TUBGCP3: variants seen among roughly 807,000 people sequenced by gnomAD.
TUBGCP3 encodes gamma-tubulin complex component 3.
A neutral mutation model predicts 123.1 loss-of-function variants in TUBGCP3; 50 were observed. The ratio of observed to expected loss-of-function variants is 0.41; its 90% confidence interval spans 0.32 to 0.51. The LOEUF is 0.51. Among genes scored for constraint, TUBGCP3 ranks in the 20% least tolerant of loss-of-function variants. TUBGCP3 has a pLI of 0.36. For synonymous variants in TUBGCP3, 405 were observed against 413.9 expected (o/e 0.98, Z 0.26); for missense variants, 882 against 1,127.0 (o/e 0.78, Z 3.11).
chr13:112,584,519 T>A (rs1566597276), intron 1 of TUBGCP3, among the ~76,000 whole-genome samples: 1 of 152,202 alleles, frequency 6.6e-6, no homozygotes, highest in Non-Finnish European at 1.5e-5. Context: ...CTTTACCATT[T>A]TGGAAAATCA....
chr13:112,507,135 T>C (rs927037038), intron 17 of TUBGCP3, among the ~76,000 whole-genome samples: 1 of 152,230 alleles, frequency 6.6e-6, no homozygotes, highest in Non-Finnish European at 1.5e-5. Context: ...GTTTTTGTAT[T>C]TTTATGTTAA....
chr13:112,603,164 G>A, the TUBGCP3 span: 2 of 152,254 alleles, frequency 1.3e-5, no homozygotes, highest in Middle Eastern at 6.8e-3. Context: ...AGAACCAAAT[G>A]GATCACAACC....
At chr13:112,586,746 G>A (rs1004478856) in intron 1 of TUBGCP3, among the ~76,000 whole-genome samples, 18 of 152,084 alleles carry the variant, frequency 1.2e-4, no homozygotes, top group African/African-American at 3.6e-4. Flanking sequence ...CAGATCTGTG[G>A]GAGGAATGAC....
intron 19 of TUBGCP3, among the ~76,000 whole-genome samples, chr13:112,501,209 G>A (rs934528235): frequency 6.6e-6 from 1 of 152,236 alleles, no homozygotes; most frequent in Admixed American, 6.5e-5. Flanking sequence ...TCTTAGAGCT[G>A]TTCTGTCCTT....
At chr13:112,544,263 C>T (rs983455931) in intron 11 of TUBGCP3, among the ~76,000 whole-genome samples, 17 of 151,952 alleles carry the variant, frequency 1.1e-4, no homozygotes, top group Admixed American at 2.0e-4. Flanking sequence ...ACCATCCTGG[C>T]TAACACAGTG....
intron 5 of TUBGCP3, 88 bp downstream of exon 5, chr13:112,558,108 G>A: frequency 7.0e-7 from 1 of 1,419,066 alleles, no homozygotes. Context: ...CACTGATACT[G>A]TGGGTGAACA....
Position 112,490,314 on chromosome 13 carries a change from G to C in TUBGCP3, c.2449-617C>G, listed in dbSNP as rs192547717. 4.2e-3 allele frequency among the ~76,000 whole-genome samples: 647 copies of C among 152,350 alleles called. 6 individuals carry two copies. Among genetic ancestry groups the C allele is most frequent in the African/African-American group, 0.015 (615 of 41,578 alleles). On this transcript the variant is annotated intron_variant, in intron 20 of 21. Transcript: ENST00000261965. ...TCGCTCTCCCATGCTGGAGTACAAT[G>C]GCATGATCTCAGCTCACTGCAACCT... is the stretch of plus-strand genomic sequence containing the variant.
intron 17 of TUBGCP3, among the ~76,000 whole-genome samples, chr13:112,512,471 CGCCT>C (rs915698868): frequency 1.3e-5 from 2 of 148,350 alleles, no homozygotes; most frequent in African/African-American, 2.5e-5. Context: ...CAGTGGCTCA[CGCCT>C]GTAATCCCAG....
chr13:112,485,046 C>A lies in TUBGCP3; in HGVS notation c.*947G>T, dbSNP rs1322179071. ...TTGCTTTTAATTTTCTAAATTTTCACTTATGCAACATAAAGGCAGATTTAT... is the reference window on the plus strand; with the variant it reads ...TTGCTTTTAATTTTCTAAATTTTCAATTATGCAACATAAAGGCAGATTTAT... On this transcript the variant is annotated 3_prime_UTR_variant, in exon 22 of 22. Coordinates refer to ENST00000261965, the MANE Select transcript of TUBGCP3 (RefSeq NM_006322.6). 1.3e-5 allele frequency: 2 copies of A among 152,488 alleles called. No homozygotes were observed. Among genetic ancestry groups the A allele is most frequent in the Non-Finnish European group, 2.9e-5 (2 of 68,046 alleles). 9.4% of individuals were successfully genotyped at this position (152,488 alleles called of 1,614,324 possible). A position where few individuals can be genotyped will look rare whatever the true frequency, so the allele number is the denominator to read the frequency against.
Position 112,567,406 on chromosome 13 carries a change from T to C in TUBGCP3, c.184+1746A>G, listed in dbSNP as rs186886668. On this transcript the variant is annotated intron_variant, in intron 2 of 21. Transcript: ENST00000261965. ...ATATGCTCACCACGAGGCCATGAAA[T>C]GTAACTTTGTAAAGGAAATGGTCTG... Among the ~76,000 whole-genome samples the C allele has an allele frequency of 1.1e-4, 17 of 152,312 alleles. No homozygotes were observed. The East Asian group carries it at 2.9e-3, about 26-fold the overall frequency.
chr13:112,508,547 G>A lies in TUBGCP3; in HGVS notation c.2087-3833C>T, dbSNP rs1881455653. The stretch of plus-strand genomic sequence containing the variant: ...TGTGAGACTGCAGTTCCCACGCACT[G>A]ATGTCCCTTCCACATTCCACTCCAC... On this transcript the variant is annotated intron_variant, in intron 17 of 21. Transcript: ENST00000261965. The surrounding 1 kb of genome is among the most constrained non-coding windows in gnomAD (Gnocchi z 4.2). Among the ~76,000 whole-genome samples, 1 of 152,042 alleles carries A rather than the reference G, an allele frequency of 6.6e-6. No individual in the cohort carries two copies. The highest frequency in any genetic ancestry group is 2.4e-5 in the African/African-American group (1 of 41,394).
chr13:112,562,030 T>C (rs1880547831), intron 3 of TUBGCP3, among the ~76,000 whole-genome samples: 1 of 151,980 alleles, frequency 6.6e-6, no homozygotes, highest in African/African-American at 2.4e-5. Context: ...CAGGAGACAG[T>C]GAGGCAGTCT....
At chr13:112,512,372 G>A (rs1421771934) in intron 17 of TUBGCP3, among the ~76,000 whole-genome samples, 3 of 143,854 alleles carry the variant, frequency 2.1e-5, no homozygotes, top group Non-Finnish European at 3.0e-5. Context: ...AGGTTGCAGT[G>A]AGCTGAGATC....
At chr13:112,576,995 AAAG>A (rs1232647391) in intron 1 of TUBGCP3, among the ~76,000 whole-genome samples, 7 of 146,094 alleles carry the variant, frequency 4.8e-5, no homozygotes, top group Non-Finnish European at 9.3e-5. Flanking sequence ...TAAAAAAAAA[AAAG>A]AAAAAAAAAT....
At chr13:112,547,213 G>A (rs1027036464) in intron 10 of TUBGCP3, 12 of 388,956 alleles carry the variant, frequency 3.1e-5, no homozygotes, top group South Asian at 1.4e-4. Flanking sequence ...AAGGAAAGGC[G>A]ACCAAGGGAG....
At chr13:112,597,037 G>A in the TUBGCP3 span, among the ~76,000 whole-genome samples, 1 of 152,202 alleles carries the variant, frequency 6.6e-6, no homozygotes, top group Non-Finnish European at 1.5e-5. Context: ...TTCCCCCATG[G>A]ATTTCCTCCA....
intron 11 of TUBGCP3, among the ~76,000 whole-genome samples, chr13:112,540,628 T>C (rs1878445755): frequency 1.3e-5 from 2 of 149,172 alleles, no homozygotes; most frequent in African/African-American, 5.0e-5. Context: ...AAAGGACACC[T>C]GGGAATGAGG....
intron 11 of TUBGCP3, among the ~76,000 whole-genome samples, chr13:112,532,148 T>C (rs562374116): frequency 3.0e-4 from 46 of 152,236 alleles, no homozygotes; most frequent in Non-Finnish European, 5.1e-4. Flanking sequence ...TTAGATACAA[T>C]AAAATGGCAA....
chr13:112,507,790 A>C (rs1881403263), intron 17 of TUBGCP3, among the ~76,000 whole-genome samples: 1 of 152,160 alleles, frequency 6.6e-6, no homozygotes, highest in Non-Finnish European at 1.5e-5. Flanking sequence ...CTATTTATGA[A>C]ACCAGGAATT....
Sources: gnomAD v4.1 joint callset for allele counts (sites outside exome capture counted in the v4.1 genomes callset) on GRCh38, gnomAD v4.1.1 for gene constraint, Gnocchi (gnomAD v3.1) non-coding constraint, MANE v1.5 for transcripts, NCBI Gene and HGNC (gene_info 2026-07-23, HGNC 2026-07-21) for gene names.